MAP3K5: variants seen among roughly 807,000 people sequenced by gnomAD.
MAP3K5 encodes the protein mitogen-activated protein kinase kinase kinase 5, also known as ASK-1.
Under a neutral mutation model 158.7 loss-of-function variants are expected in MAP3K5, and 56 were observed. The observed-to-expected ratio is 0.35, with a 90% CI of 0.28 to 0.44. The LOEUF is 0.44. Ranked by LOEUF, MAP3K5 falls within the 20% of genes least tolerant of loss-of-function variation. The pLI is 1.00. For synonymous variants in MAP3K5, 579 were observed against 601.7 expected, an observed-to-expected ratio of 0.96 and a Z score of 0.55; for missense variants, 1,294 against 1,674.8, an observed-to-expected ratio of 0.77 and a Z score of 3.97.
chr6:136,699,418 C>T (rs754757337), intron 3 of MAP3K5, among the ~76,000 whole-genome samples: 27 of 152,236 alleles, frequency 1.8e-4, no homozygotes, highest in Non-Finnish European at 2.8e-4. Flanking sequence ...GATCTTTCAA[C>T]ACTGTCCCTC....
intron 14 of MAP3K5, among the ~76,000 whole-genome samples, chr6:136,631,869 A>G (rs975888153): frequency 6.6e-6 from 1 of 152,116 alleles, no homozygotes; most frequent in Admixed American, 6.6e-5. Context: ...TGGGACATTA[A>G]CAGTCCAGTC....
intron 1 of MAP3K5, among the ~76,000 whole-genome samples, chr6:136,729,651 C>T (rs1252748229): frequency 1.3e-5 from 2 of 152,230 alleles, no homozygotes. Context: ...AGAATTTTGA[C>T]TTGATCCTAT....
At chr6:136,673,973 C>T (rs1779595421) in intron 7 of MAP3K5, among the ~76,000 whole-genome samples, 1 of 152,010 alleles carries the variant, frequency 6.6e-6, no homozygotes, top group South Asian at 2.1e-4. Flanking sequence ...AAACATGTTA[C>T]CAAAATCCGA....
In MAP3K5 at chr6:136,613,049, A is replaced by G; in HGVS notation, c.2415+71T>C. On this transcript the variant is annotated intron_variant, in intron 17 of 29. Transcript: ENST00000359015. This position sits in a 1 kb window ranked among gnomAD's most constrained non-coding sequence, Gnocchi z 4.0. ...TCTAAATTAATACTCATAACACAAT[A>G]TGACTTTTGCAAGTAAAATAATAAC... The G allele has an allele frequency of 7.1e-7, 1 of 1,406,128 alleles. No individual in the cohort carries two copies. Among genetic ancestry groups the G allele is most frequent in the Non-Finnish European group, 9.7e-7 (1 of 1,036,124 alleles). 87.1% of individuals were successfully genotyped at this position (1,406,128 alleles called of 1,614,324 possible). A position where few individuals can be genotyped will look rare whatever the true frequency, so the allele number is the denominator to read the frequency against.
intron 1 of MAP3K5, among the ~76,000 whole-genome samples, chr6:136,769,736 AAGGGAAGGAAGGAAGGAAGG>A (rs1784099937): frequency 9.4e-6 from 1 of 106,650 alleles, no homozygotes; most frequent in Non-Finnish European, 1.9e-5. Flanking sequence ...GGAAGGGAGG[AAGGGAAGGAAGGAAGGAAGG>A]AAGGAAGGAA....
At chr6:136,663,106 A>G (rs1779076550) in intron 8 of MAP3K5, among the ~76,000 whole-genome samples, 1 of 152,178 alleles carries the variant, frequency 6.6e-6, no homozygotes, top group South Asian at 2.1e-4. Flanking sequence ...TAACTCTCTC[A>G]ATCCATACAC....
At position 136,681,457 on chromosome 6, in the gene MAP3K5, G is replaced by T. The variant is rs368927894; in HGVS notation, c.1254-12062C>A. On this transcript the variant is annotated intron_variant, in intron 7 of 29. Coordinates refer to ENST00000359015, the MANE Select transcript of MAP3K5 (RefSeq NM_005923.4). ...AAGATCATCCTGGGCAACACAGTGA[G>T]ACCCCATCTCTAGAAAAAATTTGAA... is the stretch of plus-strand genomic sequence containing the variant. Among the ~76,000 whole-genome samples, 22 of 152,254 alleles carry T rather than the reference G, an allele frequency of 1.4e-4. No homozygotes were observed. The South Asian group carries it at 4.6e-3, about 32-fold the overall frequency.
chr6:136,659,482 T>G, intron 8 of MAP3K5, 104 bp from the exon 9 acceptor site: 1 of 1,047,234 alleles, frequency 9.5e-7, no homozygotes, highest in Non-Finnish European at 1.4e-6. Flanking sequence ...CTTTTCAGAT[T>G]AAAACAGCTT....
In MAP3K5 at chr6:136,659,373, T is replaced by C; in HGVS notation, c.1372A>G (p.Lys458Glu). Residue 458 changes from lysine (K) to glutamate (E), a missense_variant, in exon 9 of 30, where the codon AAG (lysine) becomes GAG (glutamate). Around this residue, in one of 5 missense-constraint regions of MAP3K5, gnomAD observed 690 missense variants for 870.5 expected, o/e 0.79. Coordinates refer to ENST00000359015, the MANE Select transcript of MAP3K5 (RefSeq NM_005923.4). ...TTTTTACCAAGAAGACTACTTAGCT[T>C]CACCCCTAGAATACAAACAGGAAGT... ...SSFELRKVGV[K>E]LSSLLGKKGN... 6.2e-7 allele frequency: 1 copy of C among 1,613,798 alleles called. No homozygotes were observed. Among genetic ancestry groups the C allele is most frequent in the Non-Finnish European group, 8.5e-7 (1 of 1,179,950 alleles).
At chr6:136,643,584 G>T (rs760499558) in intron 11 of MAP3K5, among the ~76,000 whole-genome samples, 3 of 152,168 alleles carry the variant, frequency 2.0e-5, no homozygotes, top group African/African-American at 7.2e-5. Context: ...ACTCAAAAGC[G>T]ACAATTTATA....
At chr6:136,582,847 A>G (rs1383408733) in intron 24 of MAP3K5, among the ~76,000 whole-genome samples, 1 of 152,200 alleles carries the variant, frequency 6.6e-6, no homozygotes, top group Admixed American at 6.5e-5. Flanking sequence ...AGGTGGCTTG[A>G]GGCTTTTTTG....
intron 1 of MAP3K5, among the ~76,000 whole-genome samples, chr6:136,730,471 C>T (rs537725213): frequency 6.6e-6 from 1 of 152,068 alleles, no homozygotes; most frequent in African/African-American, 2.4e-5. Flanking sequence ...CCTGTAATCC[C>T]AGCACTCTGG....
At chr6:136,789,974 G>A (rs769644971) in intron 1 of MAP3K5, among the ~76,000 whole-genome samples, 2 of 152,032 alleles carry the variant, frequency 1.3e-5, no homozygotes, top group African/African-American at 2.4e-5. Context: ...TTACAGGCGT[G>A]AGCCACCACG....
intron 2 of MAP3K5, among the ~76,000 whole-genome samples, chr6:136,710,280 C>T (rs751371986): frequency 7.2e-5 from 11 of 152,146 alleles, no homozygotes; most frequent in Non-Finnish European, 1.3e-4. Context: ...CTCTCAAGTA[C>T]CTATGAATAA....
At chr6:136,728,733 C>A (rs532860616) in intron 1 of MAP3K5, among the ~76,000 whole-genome samples, 1 of 152,260 alleles carries the variant, frequency 6.6e-6, no homozygotes, top group East Asian at 1.9e-4. Context: ...TATTCCTAAC[C>A]TCCCCAACCC....
chr6:136,605,341 T>A lies in MAP3K5; in HGVS notation c.2547A>T (p.Glu849Asp). 6.2e-7 allele frequency: 1 copy of A among 1,614,014 alleles called. No homozygotes were observed. Among genetic ancestry groups the A allele is most frequent in the Non-Finnish European group, 8.5e-7 (1 of 1,179,958 alleles). The change falls in exon 19 of 30, where the codon GAA (glutamate) becomes GAT (aspartate). Residue 849 changes from glutamate to aspartate, a missense_variant. By Grantham distance (45) the Glu-to-Asp change is conservative. Around this residue, in one of 5 missense-constraint regions of MAP3K5, gnomAD observed 362 missense variants for 463.2 expected, o/e 0.78. Transcript: ENST00000359015. ...FTGTLQYMAP[E>D]IIDKGPRGYG... ...AGCCTCTTGGTCCTTTATCTATTAT[T>A]TCTGGTGCCATATACTGGAGGGTAC... is the stretch of plus-strand genomic sequence containing the variant.
chr6:136,652,250 G>A (rs938875338), intron 10 of MAP3K5, among the ~76,000 whole-genome samples: 3 of 152,074 alleles, frequency 2.0e-5, no homozygotes, highest in African/African-American at 7.2e-5. Context: ...AAGGTACAGG[G>A]AACTAGAGAA....
chr6:136,656,437 G>A lies in MAP3K5; in HGVS notation c.1550C>T (p.Thr517Ile). ...CACAAAATGCTTATATATTAAAATTGTCTCTACAATAGACTTGAGGTACCT... is the reference window on the plus strand; with the variant it reads ...CACAAAATGCTTATATATTAAAATTATCTCTACAATAGACTTGAGGTACCT... ...PAWYLKSIVE[T>I]ILIYKHFVKL... Residue 517 changes from threonine to isoleucine, a missense_variant, in exon 10 of 30, where the codon ACA (threonine) becomes ATA (isoleucine). This residue lies in a region of MAP3K5 where 690 missense variants were observed against 870.5 expected (regional missense o/e 0.79). Transcript: ENST00000359015. 6.3e-7 allele frequency: 1 copy of A among 1,597,326 alleles called. No individual in the cohort carries two copies. The highest frequency in any genetic ancestry group is 8.5e-7 in the Non-Finnish European group (1 of 1,173,362).
chr6:136,613,103 A>G lies in MAP3K5; in HGVS notation c.2415+17T>C. 1.3e-6 allele frequency: 2 copies of G among 1,577,994 alleles called. No individual in the cohort carries two copies. The highest frequency in any genetic ancestry group is 2.7e-5 in the African/African-American group (2 of 73,634). ...GCAAAGAAAGAACTCATGAAAATGA[A>G]TGCTGGTGTACCTCACCTTTATGTC... On this transcript the variant is annotated intron_variant, in intron 17 of 29. Transcript: ENST00000359015. This position sits in a 1 kb window ranked among gnomAD's most constrained non-coding sequence, Gnocchi z 4.0.
Sources: allele counts gnomAD v4.1 joint callset (sites outside exome capture counted in the v4.1 genomes callset), GRCh38; gene constraint gnomAD v4.1.1; regional missense constraint gnomAD v4.1.1; non-coding constraint Gnocchi (gnomAD v3.1); transcripts MANE v1.5; gene names NCBI Gene and HGNC (gene_info 2026-07-23, HGNC 2026-07-21).